The following LIPC variants were observed in gnomAD, a reference collection of about 807,000 sequenced individuals.
The protein encoded by LIPC is hepatic triacylglycerol lipase.
A neutral mutation model predicts 50.7 loss-of-function variants in LIPC; 44 were observed. The ratio of observed to expected loss-of-function variants is 0.87; its 90% CI spans 0.68 to 1.11. The LOEUF (loss-of-function observed/expected upper bound fraction) is 1.11, where lower values mean the gene tolerates loss of function less well. Ranked by LOEUF, LIPC falls within the 50% of genes most tolerant of loss-of-function variation. LIPC has a pLI of 0.00. For missense variants in LIPC, 697 were observed against 648.2 expected (o/e 1.08, Z -0.82); for synonymous variants, 271 against 256.4 (o/e 1.06, Z -0.54).
intron 1 of LIPC, among the ~76,000 whole-genome samples, chr15:58,446,388 C>G (rs886133487): frequency 6.6e-6 from 1 of 152,104 alleles, no homozygotes; most frequent in African/African-American, 2.4e-5. Flanking sequence ...AGTACCATCA[C>G]CACACCTCAG....
chr15:58,465,311 T>G (rs558092149), intron 1 of LIPC, among the ~76,000 whole-genome samples: 2 of 152,338 alleles, frequency 1.3e-5, no homozygotes, highest in African/African-American at 4.8e-5. Context: ...TACTTATAAT[T>G]GGTACCTCTT....
chr15:58,512,611 G>A (rs573528016), intron 1 of LIPC, among the ~76,000 whole-genome samples: 90 of 152,282 alleles, frequency 5.9e-4, no homozygotes, highest in Non-Finnish European at 1.2e-3. Context: ...GACATCTCCA[G>A]ATCCAGCAGT....
chr15:58,542,014 C>G (rs748850064), intron 3 of LIPC, 47 bp downstream of exon 3: 24 of 1,563,920 alleles, frequency 1.5e-5, no homozygotes, highest in Middle Eastern at 1.7e-4. Context: ...CCTCCTTTCC[C>G]TTCCTCTGAG....
chr15:58,509,837 T>A (rs1271766631), intron 1 of LIPC, among the ~76,000 whole-genome samples: 1 of 152,194 alleles, frequency 6.6e-6, no homozygotes, highest in Non-Finnish European at 1.5e-5. Context: ...ATGATAGGAA[T>A]GCTGTCAATG....
intron 1 of LIPC, among the ~76,000 whole-genome samples, chr15:58,455,647 C>G (rs1189075558): frequency 6.6e-6 from 1 of 152,196 alleles, no homozygotes; most frequent in Admixed American, 6.5e-5. Flanking sequence ...CCAACCTACA[C>G]TTGTCATTTG....
intron 1 of LIPC, among the ~76,000 whole-genome samples, chr15:58,514,325 A>G (rs1409306555): frequency 1.3e-5 from 2 of 152,258 alleles, no homozygotes; most frequent in African/African-American, 4.8e-5. Flanking sequence ...AGGCATTTGC[A>G]AAGCATTAGC....
At chr15:58,475,778 T>C (rs1360563898) in intron 1 of LIPC, among the ~76,000 whole-genome samples, 6 of 152,208 alleles carry the variant, frequency 3.9e-5, no homozygotes, top group Non-Finnish European at 4.4e-5. Context: ...TTAGTCCCCA[T>C]GGAAGCAGCA....
chr15:58,549,598 C>A (rs866414877), intron 6 of LIPC, among the ~76,000 whole-genome samples: 2 of 152,184 alleles, frequency 1.3e-5, no homozygotes, highest in African/African-American at 2.4e-5. Context: ...TGGAACAGGG[C>A]CACCTGACTC....
chr15:58,507,635 T>A (rs928958275), intron 1 of LIPC, among the ~76,000 whole-genome samples: 2 of 152,172 alleles, frequency 1.3e-5, no homozygotes, highest in Admixed American at 1.3e-4. Flanking sequence ...AATTCTGGAA[T>A]ACAGAAAGGG....
chr15:58,492,755 A>C (rs1891627851), intron 1 of LIPC, among the ~76,000 whole-genome samples: 1 of 152,140 alleles, frequency 6.6e-6, no homozygotes, highest in Non-Finnish European at 1.5e-5. Flanking sequence ...GTTTTGTTTT[A>C]AAGTTTCACT....
intron 1 of LIPC, among the ~76,000 whole-genome samples, chr15:58,530,886 G>A (rs1318704332): frequency 2.0e-5 from 3 of 152,170 alleles, no homozygotes; most frequent in Admixed American, 6.5e-5. Context: ...ATGGATATGC[G>A]ACAATTTGTT....
chr15:58,484,718 TCGGGCCACACTGC>T (rs1384792702), intron 1 of LIPC, among the ~76,000 whole-genome samples: 3 of 12,318 alleles, frequency 2.4e-4, no homozygotes, highest in Non-Finnish European at 4.8e-4. Flanking sequence ...ACTCCTACCG[TCGGGCCACACTGC>T]CTCACAACAC....
At chr15:58,432,967 A>G (rs1893174793) in intron 1 of LIPC, among the ~76,000 whole-genome samples, 1 of 152,220 alleles carries the variant, frequency 6.6e-6, no homozygotes, top group Admixed American at 6.5e-5. Flanking sequence ...AACGGGATGT[A>G]CCTAAAAATT....
At chr15:58,549,693 G>A (rs1270331008) in intron 6 of LIPC, among the ~76,000 whole-genome samples, 1 of 152,178 alleles carries the variant, frequency 6.6e-6, no homozygotes, top group East Asian at 1.9e-4. Flanking sequence ...CTCCAGTCAG[G>A]TTTCCCTCCC....
intron 1 of LIPC, among the ~76,000 whole-genome samples, chr15:58,505,864 C>G (rs983935995): frequency 6.6e-6 from 1 of 152,042 alleles, no homozygotes; most frequent in Non-Finnish European, 1.5e-5. Flanking sequence ...ACTGCACTGA[C>G]GTGGCTGCAG....
At chr15:58,485,220 G>A (rs888608604) in intron 1 of LIPC, among the ~76,000 whole-genome samples, 2 of 152,204 alleles carry the variant, frequency 1.3e-5, no homozygotes, top group Admixed American at 1.3e-4. Context: ...GGAGGCAGCA[G>A]CAAGGAGAGA....
intron 1 of LIPC, among the ~76,000 whole-genome samples, chr15:58,438,291 G>C (rs939611137): frequency 1.3e-5 from 2 of 152,108 alleles, no homozygotes; most frequent in Non-Finnish European, 2.9e-5. Flanking sequence ...TTCATCATGA[G>C]GGGAATGCAA....
intron 1 of LIPC, among the ~76,000 whole-genome samples, chr15:58,506,103 G>A (rs1314840126): frequency 6.6e-6 from 1 of 152,178 alleles, no homozygotes; most frequent in Non-Finnish European, 1.5e-5. Flanking sequence ...CCTAGGCTGT[G>A]TTTGGGTGCC....
At chr15:58,526,048 T>C (rs1361122277) in intron 1 of LIPC, among the ~76,000 whole-genome samples, 2 of 152,126 alleles carry the variant, frequency 1.3e-5, no homozygotes, top group Non-Finnish European at 2.9e-5. Context: ...AAGCTTTGGA[T>C]CCCAGCCTGG....
Sources: allele counts gnomAD v4.1 joint callset (sites outside exome capture counted in the v4.1 genomes callset), GRCh38; gene constraint gnomAD v4.1.1; transcripts MANE v1.5; gene names NCBI Gene and HGNC (gene_info 2026-07-23, HGNC 2026-07-21).